The following LDAH variants were observed in gnomAD, a reference collection of about 807,000 sequenced individuals.
LDAH encodes the protein lipid droplet associated hydrolase.
In LDAH, 26 loss-of-function variants were observed where a neutral mutation model predicts 29.6. That is an observed-to-expected ratio of 0.88 (90% CI 0.64 to 1.22). LDAH has a LOEUF of 1.22. Ranked by LOEUF, LDAH falls within the 50% of genes most tolerant of loss-of-function variation. The pLI is 0.00. For missense variants in LDAH, 344 were observed against 387.3 expected, an observed-to-expected ratio of 0.89 and a Z score of 0.94; for synonymous variants, 117 against 133.0, an observed-to-expected ratio of 0.88 and a Z score of 0.83.
chr2:20,750,810 T>G (rs1276210553), intron 4 of LDAH, among the ~76,000 whole-genome samples: 1 of 152,220 alleles, frequency 6.6e-6, no homozygotes, highest in Non-Finnish European at 1.5e-5. Context: ...ATATACTCCA[T>G]GGACTACTAT....
At chr2:20,693,663 G>A (rs746236120) in intron 6 of LDAH, among the ~76,000 whole-genome samples, 66 of 152,342 alleles carry the variant, frequency 4.3e-4, no homozygotes, top group Non-Finnish European at 7.2e-4. Context: ...AAGCTATAGT[G>A]CCCTTTGGCT....
At chr2:20,782,717 C>A (rs573510981) in intron 3 of LDAH, among the ~76,000 whole-genome samples, 2 of 152,218 alleles carry the variant, frequency 1.3e-5, no homozygotes, top group African/African-American at 2.4e-5. Context: ...CTTTCTCCCC[C>A]CTTGGTTAGC....
intron 6 of LDAH, among the ~76,000 whole-genome samples, chr2:20,687,877 A>G (rs1456434048): frequency 6.6e-6 from 1 of 152,250 alleles, no homozygotes; most frequent in Admixed American, 6.5e-5. Flanking sequence ...TCAGAAGAAC[A>G]GATAGTGGCA....
chr2:20,695,726 G>C (rs1663409051), intron 6 of LDAH, among the ~76,000 whole-genome samples: 2 of 152,166 alleles, frequency 1.3e-5, no homozygotes, highest in Admixed American at 1.3e-4. Flanking sequence ...GGGATTACAG[G>C]CATGAGCCAC....
intron 4 of LDAH, among the ~76,000 whole-genome samples, chr2:20,743,482 TAA>T (rs934937263): frequency 6.6e-6 from 1 of 152,190 alleles, no homozygotes; most frequent in Non-Finnish European, 1.5e-5. Flanking sequence ...AAAATAATCC[TAA>T]GTCTTCCCTC....
chr2:20,738,065 T>A (rs113012675), intron 5 of LDAH, among the ~76,000 whole-genome samples: 4,683 of 151,178 alleles, frequency 0.031, 245 homozygotes, highest in African/African-American at 0.11. Context: ...CAGCCTGGCC[T>A]ACATGGTGAA....
In LDAH at chr2:20,721,056, T is replaced by C. The variant is rs376135365; in HGVS notation, c.703+18915A>G. Among the ~76,000 whole-genome samples, 239 of 152,234 alleles carry C rather than the reference T, an allele frequency of 1.6e-3. 4 individuals carry two copies. In the South Asian group the frequency reaches 0.044, roughly 28 times the overall value. On this transcript the variant is annotated intron_variant, in intron 5 of 6. Coordinates refer to ENST00000237822, the MANE Select transcript of LDAH (RefSeq NM_021925.4). The stretch of plus-strand genomic sequence containing the variant: ...ACATTAGGGGGAATGCTACAGGACA[T>C]TGGTCTGGGGAAAGATTTTTTTCGG...
At chr2:20,724,264 C>T (rs1306677766) in intron 5 of LDAH, among the ~76,000 whole-genome samples, 1 of 152,204 alleles carries the variant, frequency 6.6e-6, no homozygotes, top group African/African-American at 2.4e-5. Context: ...GAACTGATCT[C>T]TCCTTTCTCA....
chr2:20,771,552 T>TA (rs1390391014), intron 4 of LDAH, among the ~76,000 whole-genome samples: 15 of 152,316 alleles, frequency 9.8e-5, no homozygotes, highest in African/African-American at 2.9e-4. Context: ...TGCGGTGTCT[T>TA]AGAGTAGCCC....
At chr2:20,719,224 G>GTTTTTTT (rs61437825) in intron 5 of LDAH, among the ~76,000 whole-genome samples, 1 of 130,538 alleles carries the variant, frequency 7.7e-6, no homozygotes, top group Non-Finnish European at 1.6e-5. Flanking sequence ...AAATGAAAAA[G>GTTTTTTT]TTTTTTTTTT....
At chr2:20,703,846 C>T (rs1046307298) in intron 5 of LDAH, among the ~76,000 whole-genome samples, 2 of 152,184 alleles carry the variant, frequency 1.3e-5, no homozygotes, top group Non-Finnish European at 2.9e-5. Flanking sequence ...GATGACTGAG[C>T]ACCTACTTAC....
chr2:20,789,474 T>G, intron 3 of LDAH: 1 of 1,346,712 alleles, frequency 7.4e-7, no homozygotes, highest in Non-Finnish European at 9.8e-7. Context: ...TATTTTGCTA[T>G]AGCAGCCCAA....
chr2:20,729,181 A>T (rs1034085465), intron 5 of LDAH, among the ~76,000 whole-genome samples: 29 of 151,076 alleles, frequency 1.9e-4, no homozygotes, highest in Admixed American at 5.3e-4. Flanking sequence ...ATGCAGTAGG[A>T]GGTCAATTAT....
intron 5 of LDAH, 85 bp from the exon 6 acceptor site, chr2:20,701,737 C>A: frequency 7.8e-7 from 1 of 1,279,686 alleles, no homozygotes; most frequent in South Asian, 1.2e-5. Context: ...ATTCATGTTC[C>A]TCCTTTCTTT....
intron 2 of LDAH, among the ~76,000 whole-genome samples, chr2:20,798,750 G>T (rs1350272584): frequency 6.6e-6 from 1 of 151,700 alleles, no homozygotes; most frequent in African/African-American, 2.4e-5. Flanking sequence ...TTTCTTTCAT[G>T]GAGGAAGACA....
chr2:20,717,987 T>G (rs1406156792), intron 5 of LDAH, among the ~76,000 whole-genome samples: 1 of 152,212 alleles, frequency 6.6e-6, no homozygotes, highest in East Asian at 1.9e-4. Flanking sequence ...ATAAAATGTT[T>G]TTGTAAGCAC....
chr2:20,721,309 T>C (rs904268527), intron 5 of LDAH, among the ~76,000 whole-genome samples: 1 of 152,106 alleles, frequency 6.6e-6, no homozygotes, highest in Non-Finnish European at 1.5e-5. Context: ...GAATAAAACA[T>C]GGACCAAAGA....
intron 6 of LDAH, among the ~76,000 whole-genome samples, chr2:20,691,886 G>A (rs988238869): frequency 6.6e-6 from 1 of 152,072 alleles, no homozygotes; most frequent in African/African-American, 2.4e-5. Flanking sequence ...ATGGTCTCTG[G>A]GCTTATAGAT....
chr2:20,702,113 T>C (rs1379798807), intron 5 of LDAH, among the ~76,000 whole-genome samples: 1 of 152,180 alleles, frequency 6.6e-6, no homozygotes, highest in Non-Finnish European at 1.5e-5. Context: ...AAAATACGTT[T>C]AAAGTTCTCC....
Sources: allele counts gnomAD v4.1 joint callset (sites outside exome capture counted in the v4.1 genomes callset), GRCh38; gene constraint gnomAD v4.1.1; transcripts MANE v1.5; gene names NCBI Gene and HGNC (gene_info 2026-07-23, HGNC 2026-07-21).